The following ANO3 variants were observed in gnomAD, a reference collection of about 807,000 sequenced individuals.
The protein encoded by ANO3 is anoctamin 3.
Under a neutral mutation model 144.8 loss-of-function variants are expected in ANO3, and 99 were observed. The observed-to-expected ratio is 0.68, with a 90% CI of 0.58 to 0.81. The LOEUF (loss-of-function observed/expected upper bound fraction) is 0.81, where lower values mean the gene tolerates loss of function less well. ANO3 is among the 30% of genes least tolerant of loss of function. The pLI is 0.00. For missense variants in ANO3, 905 were observed against 1,202.2 expected, an observed-to-expected ratio of 0.75 and a Z score of 3.66; for synonymous variants, 414 against 392.6, an observed-to-expected ratio of 1.05 and a Z score of -0.64.
At chr11:26,425,826 T>A (rs553720116) in intron 1 of ANO3, among the ~76,000 whole-genome samples, 3 of 152,286 alleles carry the variant, frequency 2.0e-5, no homozygotes, top group African/African-American at 7.2e-5. Flanking sequence ...TCTAAGTGTC[T>A]TATTTATTTC....
chr11:26,463,219 C>T (rs1041227230), intron 4 of ANO3, 71 bp downstream of exon 4: 2 of 778,690 alleles, frequency 2.6e-6, no homozygotes, highest in African/African-American at 1.8e-5. Flanking sequence ...TATTCATCTA[C>T]ATATTTGGTT....
chr11:26,523,779 A>T (rs887270743), intron 6 of ANO3, among the ~76,000 whole-genome samples: 5 of 152,074 alleles, frequency 3.3e-5, no homozygotes, highest in African/African-American at 1.2e-4. Context: ...AAAGTTTTTT[A>T]ATTGTTTAAG....
chr11:26,605,780 G>C (rs1451979077), intron 17 of ANO3, among the ~76,000 whole-genome samples: 1 of 151,908 alleles, frequency 6.6e-6, no homozygotes, highest in Admixed American at 6.6e-5. Flanking sequence ...GATCAGTGGT[G>C]ATATCCCCTT....
chr11:26,508,217 A>G lies in ANO3; in HGVS notation c.546A>G (p.Thr182=), dbSNP rs2134136852. 4.4e-6 allele frequency: 7 copies of G among 1,603,790 alleles called. No homozygotes were observed. In the East Asian group the frequency reaches 1.6e-4, roughly 36 times the overall value. ...ATATACAATATGATAAAAGAAACAC[A>G]TTTGAAAAGAACCTCAGAGCAGAAG... ...KTNIQYDKRN[T]FEKNLRAEGL... is the part of the protein sequence containing the mutation. The change falls in exon 5 of 27, where the codon ACA becomes ACG. Residue 182 remains threonine, a synonymous_variant. Transcript: ENST00000256737.
At chr11:26,643,124 AC>A in intron 22 of ANO3, 57 bp from the exon 23 acceptor site, 1 of 1,540,130 alleles carries the variant, frequency 6.5e-7, no homozygotes, top group Admixed American at 1.8e-5. Context: ...TATATAAAGC[AC>A]CAAATTTGTC....
At chr11:26,280,385 C>G (rs567441405) in intron 1 of ANO3, among the ~76,000 whole-genome samples, 1 of 152,188 alleles carries the variant, frequency 6.6e-6, no homozygotes, top group East Asian at 1.9e-4. Flanking sequence ...CACATGATCA[C>G]AAGGTGAGAT....
At chr11:26,537,847 C>A (rs140549575) in intron 10 of ANO3, among the ~76,000 whole-genome samples, 1 of 152,292 alleles carries the variant, frequency 6.6e-6, no homozygotes, top group Non-Finnish European at 1.5e-5. Context: ...AAACCTATAG[C>A]CAATTACCTC....
intron 3 of ANO3, among the ~76,000 whole-genome samples, chr11:26,451,830 C>T (rs1858952572): frequency 1.3e-5 from 2 of 152,228 alleles, no homozygotes; most frequent in South Asian, 4.1e-4. Context: ...AACTGGGAGA[C>T]ACCCCCTAGT....
intron 1 of ANO3, among the ~76,000 whole-genome samples, chr11:26,383,888 C>CTTTTCTTT (rs1856650939): frequency 1.4e-5 from 1 of 70,148 alleles, no homozygotes; most frequent in Admixed American, 2.3e-4. Context: ...ATGCATTGTT[C>CTTTTCTTT]TTTTTTTTTT....
chr11:26,573,170 T>C (rs1355695367), intron 14 of ANO3, among the ~76,000 whole-genome samples: 1 of 152,174 alleles, frequency 6.6e-6, no homozygotes, highest in Admixed American at 6.5e-5. Context: ...AACGAAACTT[T>C]AGCTAAAATG....
intron 3 of ANO3, among the ~76,000 whole-genome samples, chr11:26,449,819 C>T (rs1188658675): frequency 2.0e-5 from 3 of 151,802 alleles, no homozygotes; most frequent in Non-Finnish European, 2.9e-5. Flanking sequence ...TGCAGTGGCA[C>T]GATCTCGGCT....
chr11:26,401,399 A>T (rs1007266358), intron 1 of ANO3, among the ~76,000 whole-genome samples: 1 of 152,068 alleles, frequency 6.6e-6, no homozygotes, highest in Non-Finnish European at 1.5e-5. Flanking sequence ...AAGCACATCC[A>T]TAGTATCCGC....
intron 10 of ANO3, among the ~76,000 whole-genome samples, chr11:26,540,540 T>A (rs1169847371): frequency 6.6e-6 from 1 of 151,774 alleles, no homozygotes; most frequent in African/African-American, 2.4e-5. Flanking sequence ...GAGAGAAAAA[T>A]TTTGCAATCT....
At chr11:26,319,959 G>A (rs964046771) in intron 1 of ANO3, among the ~76,000 whole-genome samples, 6 of 152,132 alleles carry the variant, frequency 3.9e-5, no homozygotes, top group Non-Finnish European at 7.3e-5. Flanking sequence ...TAAGATTTGT[G>A]AGACAATGAG....
At chr11:26,333,995 G>C (rs995802024) in intron 1 of ANO3, among the ~76,000 whole-genome samples, 24 of 152,160 alleles carry the variant, frequency 1.6e-4, no homozygotes, top group Non-Finnish European at 2.8e-4. Context: ...CTGGGATCTG[G>C]AAGCTTCAAA....
intron 1 of ANO3, among the ~76,000 whole-genome samples, chr11:26,361,356 C>T (rs1381184): frequency 0.81 from 122,872 of 152,156 alleles, 49,802 homozygotes; most frequent in East Asian, 0.98. Flanking sequence ...GGTAGCAGAA[C>T]AAAAGCAAAC....
intron 1 of ANO3, among the ~76,000 whole-genome samples, chr11:26,351,252 AAC>A (rs1258704407): frequency 1.3e-5 from 2 of 151,930 alleles, no homozygotes; most frequent in Admixed American, 6.6e-5. Context: ...TTTTTTCTTC[AAC>A]AGTTTGAATA....
intron 1 of ANO3, among the ~76,000 whole-genome samples, chr11:26,262,739 C>G (rs12574064): frequency 0.024 from 3,599 of 148,680 alleles, 122 homozygotes; most frequent in Admixed American, 0.11. Context: ...CACACACACA[C>G]AGAGAGAGAG....
intron 14 of ANO3, among the ~76,000 whole-genome samples, chr11:26,579,139 T>C (rs1314241927): frequency 6.6e-6 from 1 of 152,234 alleles, no homozygotes; most frequent in East Asian, 1.9e-4. Context: ...TTATAACTTA[T>C]CTTACCACTG....
Sources: gnomAD v4.1 joint callset for allele counts (sites outside exome capture counted in the v4.1 genomes callset) on GRCh38, gnomAD v4.1.1 for gene constraint, MANE v1.5 for transcripts, NCBI Gene and HGNC (gene_info 2026-07-23, HGNC 2026-07-21) for gene names.